HIPK3: variants seen among roughly 807,000 people sequenced by gnomAD.
HIPK3 encodes homeodomain-interacting protein kinase 3.
HIPK3 carries 47 observed loss-of-function variants against 124.2 expected under a neutral mutation model. The observed-to-expected ratio is 0.38, with a 90% CI of 0.30 to 0.48. HIPK3 has a LOEUF of 0.48. Among genes scored for constraint, HIPK3 ranks in the 20% least tolerant of loss-of-function variants. The pLI, the probability that HIPK3 is intolerant of heterozygous loss-of-function variation, is 0.98. For synonymous variants in HIPK3, 482 were observed against 515.2 expected (o/e 0.94, Z 0.87); for missense variants, 1,286 against 1,454.3 (o/e 0.88, Z 1.88).
chr11:33,307,400 GTTT>G (rs397849185), intron 2 of HIPK3, among the ~76,000 whole-genome samples: 2 of 128,858 alleles, frequency 1.6e-5, no homozygotes, highest in African/African-American at 2.9e-5. Flanking sequence ...TTTATGAAGT[GTTT>G]TTTTTTTTTT....
chr11:33,286,941 C>T lies in HIPK3; in HGVS notation c.527C>T (p.Thr176Ile), dbSNP rs759698272. Residue 176 changes from threonine to isoleucine, a missense_variant, in exon 2 of 17, where the codon ACC (threonine) becomes ATC (isoleucine). Thr to Ile is a moderately conservative substitution (Grantham distance 89, BLOSUM62 -1). Transcript: ENST00000303296. The part of the protein sequence containing the change: ...TATTGSKQNC[T>I]TGEGDYQLVQ... ...ACCACAGGATCAAAACAGAATTGTA[C>T]CACTGGAGAAGGTGACTATCAGTTA... is the stretch of plus-strand genomic sequence containing the variant. 3.7e-6 allele frequency: 6 copies of T among 1,614,030 alleles called. No individual in the cohort carries two copies. Among genetic ancestry groups the T allele is most frequent in the Admixed American group, 1.7e-5 (1 of 59,998 alleles).
In HIPK3 at chr11:33,328,627, T is replaced by A; in HGVS notation, c.1215T>A (p.Tyr405Ter). ...GWPLYPGALE[Y>*]DQIRYISQTQ... ...CGCTCTACCCAGGAGCCTTGGAGTA[T>A]GATCAGGTAACAAATAATGATAATC... is the stretch of plus-strand genomic sequence containing the variant. The change falls in exon 3 of 17, where the codon TAT becomes TAA. Residue 405 changes from tyrosine (Y) to a stop codon, truncating the protein, a stop_gained. Transcript: ENST00000303296. LOFTEE classifies it high-confidence loss of function. 1 of 1,613,144 alleles carries A rather than the reference T, an allele frequency of 6.2e-7. No individual in the cohort carries two copies.
intron 2 of HIPK3, among the ~76,000 whole-genome samples, chr11:33,295,274 A>ACCCCCCCC: frequency 9.6e-6 from 1 of 104,566 alleles, no homozygotes; most frequent in Non-Finnish European, 1.9e-5. Flanking sequence ...AGCAGCCACC[A>ACCCCCCCC]CCGCCCCCCC....
intron 1 of HIPK3, among the ~76,000 whole-genome samples, chr11:33,285,974 C>T (rs886400494): frequency 2.0e-5 from 3 of 152,040 alleles, no homozygotes; most frequent in Admixed American, 1.3e-4. Flanking sequence ...ATTTCTTCAC[C>T]GTGTTGGCCA....
chr11:33,290,047 C>A (rs1851658706), intron 2 of HIPK3, among the ~76,000 whole-genome samples: 1 of 152,168 alleles, frequency 6.6e-6, no homozygotes, highest in Non-Finnish European at 1.5e-5. Context: ...TTTATCCATT[C>A]ATCTGTTGAT....
intron 1 of HIPK3, among the ~76,000 whole-genome samples, chr11:33,261,431 C>G (rs560583711): frequency 6.6e-6 from 1 of 152,028 alleles, no homozygotes; most frequent in Admixed American, 6.6e-5. Flanking sequence ...GTGTTCTCAT[C>G]ATTTAGCTTC....
intron 2 of HIPK3, among the ~76,000 whole-genome samples, chr11:33,308,443 T>C (rs903102943): frequency 2.0e-5 from 3 of 152,256 alleles, no homozygotes; most frequent in African/African-American, 7.2e-5. Context: ...TTTTGAGAGT[T>C]ACTTTCTGTC....
At chr11:33,311,269 T>A (rs1437685777) in intron 2 of HIPK3, among the ~76,000 whole-genome samples, 1 of 152,192 alleles carries the variant, frequency 6.6e-6, no homozygotes, top group Non-Finnish European at 1.5e-5. Flanking sequence ...CACCACAGCA[T>A]TGACCCCCTG....
Position 33,334,199 on chromosome 11 carries a change from A to G in HIPK3, c.1222-2876A>G, listed in dbSNP as rs552784877. On this transcript the variant is annotated intron_variant, in intron 3 of 16. Coordinates refer to ENST00000303296, the MANE Select transcript of HIPK3 (RefSeq NM_005734.5). ...AAACAGACATGTAAAAAATTGTAAT[A>G]TAGTTATAATAATTATAAATGCATG... 2.0e-5 allele frequency among the ~76,000 whole-genome samples: 3 copies of G among 152,272 alleles called. No individual in the cohort carries two copies. In the South Asian group the frequency reaches 6.2e-4, roughly 32 times the overall value.
chr11:33,338,594 T>C (rs192070013), intron 4 of HIPK3, among the ~76,000 whole-genome samples, 163 bp from the exon 5 acceptor site: 2 of 151,680 alleles, frequency 1.3e-5, no homozygotes, highest in East Asian at 3.9e-4. Flanking sequence ...AACCAAGCAC[T>C]TCTCATTTTT....
chr11:33,302,479 GGCACCT>G (rs925589092), intron 2 of HIPK3, among the ~76,000 whole-genome samples: 2 of 151,850 alleles, frequency 1.3e-5, no homozygotes, highest in African/African-American at 4.8e-5. Context: ...TGGAATTAGA[GGCACCT>G]GCCATCACAC....
intron 2 of HIPK3, among the ~76,000 whole-genome samples, chr11:33,293,167 C>T (rs181504353): frequency 3.1e-4 from 47 of 152,230 alleles, no homozygotes; most frequent in Middle Eastern, 3.4e-3. Flanking sequence ...TAGCAGAGCT[C>T]TTAAGTTTTT....
At chr11:33,313,177 A>C (rs558644433) in intron 2 of HIPK3, among the ~76,000 whole-genome samples, 3 of 152,230 alleles carry the variant, frequency 2.0e-5, no homozygotes, top group Admixed American at 2.0e-4. Context: ...ACAAACACCA[A>C]TTGAAGGATA....
At chr11:33,259,552 C>A (rs749583049) in intron 1 of HIPK3, among the ~76,000 whole-genome samples, 1 of 152,102 alleles carries the variant, frequency 6.6e-6, no homozygotes, top group Non-Finnish European at 1.5e-5. Context: ...CAGCCAGATA[C>A]AGTTATTTAG....
At chr11:33,310,972 T>G (rs1852318969) in intron 2 of HIPK3, among the ~76,000 whole-genome samples, 2 of 152,240 alleles carry the variant, frequency 1.3e-5, no homozygotes, top group Non-Finnish European at 2.9e-5. Flanking sequence ...TGGTAGGTTC[T>G]GAATTCCAGG....
In HIPK3 at chr11:33,348,168, G is replaced by T. The variant is rs1203089603; in HGVS notation, c.2309G>T (p.Gly770Val). Residue 770 changes from glycine to valine, a missense_variant and splice_region_variant, in exon 12 of 17, where the codon GGT becomes GTT. Around this residue, in one of 3 missense-constraint regions of HIPK3, gnomAD observed 810 missense variants for 864.9 expected, o/e 0.94. Transcript: ENST00000303296. ...CAGCTCCCTTCTCAATTTCTCAGAG[G>T]TATTTTGGTAAAACTAATGGAATGG... ...TKKNKQCQNR[G>V]ILVKLMEWEP... is the part of the protein sequence containing the mutation. The T allele has an allele frequency of 6.2e-7, 1 of 1,613,800 alleles. No homozygotes were observed. Among genetic ancestry groups the T allele is most frequent in the Non-Finnish European group, 8.5e-7 (1 of 1,179,814 alleles).
rs1672295051 is a variant in HIPK3, at chr11:33,351,624, C to A, written c.2824C>A (p.Gln942Lys). 8 of 1,613,338 alleles carry A rather than the reference C, an allele frequency of 5.0e-6. No homozygotes were observed. Among genetic ancestry groups the A allele is most frequent in the African/African-American group, 1.3e-5 (1 of 74,894 alleles). Residue 942 changes from glutamine (Q) to lysine (K), a missense_variant, in exon 15 of 17, where the codon CAA becomes AAA. Coordinates refer to ENST00000303296, the MANE Select transcript of HIPK3 (RefSeq NM_005734.5). ...KRPNSMSDEE[Q>K]ESSCDTVDGS... ...TTTTTGTAGTATGTCAGATGAAGAGCAAGAAAGTAGTTGTGATACGGTGGA... is the reference window on the plus strand; with the variant it reads ...TTTTTGTAGTATGTCAGATGAAGAGAAAGAAAGTAGTTGTGATACGGTGGA...
chr11:33,328,229 A>T (rs1852866560), intron 2 of HIPK3, among the ~76,000 whole-genome samples: 1 of 152,186 alleles, frequency 6.6e-6, no homozygotes, highest in Admixed American at 6.5e-5. Flanking sequence ...TAAAAACAAG[A>T]TGTATGTTTT....
At chr11:33,307,578 T>G (rs1852201182) in intron 2 of HIPK3, among the ~76,000 whole-genome samples, 1 of 151,564 alleles carries the variant, frequency 6.6e-6, no homozygotes, top group African/African-American at 2.4e-5. Flanking sequence ...TTTTTTTTTT[T>G]TGTATTTTTA....
Sources: gnomAD v4.1 joint callset for allele counts (sites outside exome capture counted in the v4.1 genomes callset) on GRCh38, gnomAD v4.1.1 for gene constraint, gnomAD v4.1.1 regional missense constraint, MANE v1.5 for transcripts, NCBI Gene and HGNC (gene_info 2026-07-23, HGNC 2026-07-21) for gene names.